The following MGMT variants were observed in gnomAD, a reference collection of about 807,000 sequenced individuals.
MGMT encodes O-6-methylguanine-DNA methyltransferase, also known as methylated-DNA--protein-cysteine methyltransferase.
In MGMT, 14 loss-of-function variants were observed where a neutral mutation model predicts 15.9. That is an observed-to-expected ratio of 0.88 (90% confidence interval 0.58 to 1.37). MGMT has a LOEUF of 1.37. MGMT is among the 40% of genes most tolerant of loss of function. The pLI is 0.00. For missense variants in MGMT, 282 were observed against 268.1 expected, an observed-to-expected ratio of 1.05 and a Z score of -0.36; for synonymous variants, 130 against 118.2, an observed-to-expected ratio of 1.10 and a Z score of -0.65.
chr10:129,626,641 C>T (rs1181851651), intron 2 of MGMT, among the ~76,000 whole-genome samples: 1 of 152,168 alleles, frequency 6.6e-6, no homozygotes, highest in Non-Finnish European at 1.5e-5. Context: ...CAGGGCCGTG[C>T]TCTCCGTGGA....
At chr10:129,634,517 CTTCCTTCCTTTT>C in intron 2 of MGMT, among the ~76,000 whole-genome samples, 1 of 151,938 alleles carries the variant, frequency 6.6e-6, no homozygotes, top group East Asian at 1.9e-4. Context: ...TCCTTCCTTT[CTTCCTTCCTTTT>C]GATTTCCTTT....
chr10:129,501,486 TC>T (rs1211488346), intron 1 of MGMT, among the ~76,000 whole-genome samples: 3 of 152,200 alleles, frequency 2.0e-5, no homozygotes, highest in Admixed American at 6.5e-5. Context: ...TGTTTCAGAG[TC>T]ACAGAGATTT....
intron 2 of MGMT, among the ~76,000 whole-genome samples, chr10:129,646,754 A>ATATATATATTTTTTTTTTTTTTTTTTTTT: frequency 5.8e-5 from 5 of 86,670 alleles, no homozygotes; most frequent in Admixed American, 1.2e-4. Context: ...ATATATATAT[A>ATATATATATTTTTTTTTTTTTTTTTTTTT]TTTTCAGGGA....
At chr10:129,560,989 G>GTGCA (rs1554911324) in intron 2 of MGMT, among the ~76,000 whole-genome samples, 3,613 of 149,882 alleles carry the variant, frequency 0.024, 149 homozygotes, top group African/African-American at 0.082. Context: ...GTGTGTGTGT[G>GTGCA]TGTGTGTGTT....
chr10:129,698,192 A>G (rs1036725174), intron 2 of MGMT, among the ~76,000 whole-genome samples: 1 of 152,152 alleles, frequency 6.6e-6, no homozygotes, highest in African/African-American at 2.4e-5. Flanking sequence ...CCCAGCAGAG[A>G]GAGACCAGAA....
chr10:129,770,928 TTTTC>T lies in MGMT; in HGVS notation c.*3944_*3947del, dbSNP rs528494674. 4.7e-5 allele frequency among the ~76,000 whole-genome samples: 7 copies of T among 150,416 alleles called. No individual in the cohort carries two copies. The highest frequency in any genetic ancestry group is 1.8e-4 in the African/African-American group (7 of 39,766). On this transcript the variant is annotated 3_prime_UTR_variant, in exon 5 of 5. Transcript: ENST00000651593. ...CAGACCTCAGACCGTGTGGGTTTTT[TTTTC>T]TTTCTTTCTTTCCTGTTCATGGGCA...
intron 3 of MGMT, among the ~76,000 whole-genome samples, chr10:129,708,363 A>G (rs1469227211): frequency 6.6e-6 from 1 of 152,186 alleles, no homozygotes; most frequent in Non-Finnish European, 1.5e-5. Flanking sequence ...CAATAAGCTT[A>G]TTGTGAACTT....
At chr10:129,703,119 T>C (rs1172880542) in intron 2 of MGMT, among the ~76,000 whole-genome samples, 2 of 152,256 alleles carry the variant, frequency 1.3e-5, no homozygotes, top group African/African-American at 4.8e-5. Flanking sequence ...GAATCAAAGC[T>C]GTTTAATTAC....
chr10:129,669,898 A>G (rs1417863534), intron 2 of MGMT, among the ~76,000 whole-genome samples: 3 of 152,240 alleles, frequency 2.0e-5, no homozygotes, highest in African/African-American at 4.8e-5. Context: ...TAAAAAATAT[A>G]AAGTCCGATT....
In MGMT at chr10:129,745,788, C is replaced by A. The variant is rs1356543466; in HGVS notation, c.275-13414C>A. Among the ~76,000 whole-genome samples, 5 of 151,754 alleles carry A rather than the reference C, an allele frequency of 3.3e-5. 1 individual carries two copies. Among genetic ancestry groups the A allele is most frequent in the African/African-American group, 1.2e-4 (5 of 41,284 alleles). On this transcript the variant is annotated intron_variant, in intron 3 of 4. Transcript: ENST00000651593. The stretch of plus-strand genomic sequence containing the variant: ...GGAAGTGTCAATTCAAGTCTTTTGC[C>A]TTTTTTTTAAGTTAGGTGGTTTGTT...
At position 129,524,582 on chromosome 10, in the gene MGMT, CTTTTTTTTT is replaced by C. The variant is rs66701664; in HGVS notation, c.-12-11640_-12-11632del. On this transcript the variant is annotated intron_variant, in intron 1 of 4. Coordinates refer to ENST00000651593, the MANE Select transcript of MGMT (RefSeq NM_002412.5). ...AGTTACTAAGAAGCTTCCAAAAAGA[CTTTTTTTTT>C]TTTTTTTTTTTTTTTTTTGAGACAG... Among the ~76,000 whole-genome samples the C allele has an allele frequency of 5.0e-3, 339 of 68,076 alleles. 2 individuals are homozygous for C. Among genetic ancestry groups the C allele is most frequent in the African/African-American group, 0.015 (296 of 20,232 alleles). The allele number at this position is 68,076 out of a possible 152,430, so 44.7% of individuals were successfully genotyped here.
At chr10:129,730,483 C>T (rs776572335) in intron 3 of MGMT, among the ~76,000 whole-genome samples, 3 of 152,182 alleles carry the variant, frequency 2.0e-5, no homozygotes, top group Non-Finnish European at 2.9e-5. Context: ...ATCAGAGCAT[C>T]CTGTGTCTGC....
chr10:129,561,030 G>A (rs1025382583), intron 2 of MGMT, among the ~76,000 whole-genome samples: 1 of 150,116 alleles, frequency 6.7e-6, no homozygotes, highest in African/African-American at 2.5e-5. Context: ...TATATCTGAA[G>A]GGAAGGGTGG....
In MGMT at chr10:129,638,429, C is replaced by CAAAAAAAAAAAAAAAAA; in HGVS notation, c.126-69450_126-69449insAAAAAAAAAAAAAAAAA. On this transcript the variant is annotated intron_variant, in intron 2 of 4. Coordinates refer to ENST00000651593, the MANE Select transcript of MGMT (RefSeq NM_002412.5). ...GAAGTCCAAGAGAGGACCAAAGAGGCAAAAAAAAAAAAAAAAGAAAAAAAA... is the reference window on the plus strand; with the variant it reads ...GAAGTCCAAGAGAGGACCAAAGAGGCAAAAAAAAAAAAAAAAAAAAAAAAAAAAAAAAAGAAAAAAAA... 4.2e-3 allele frequency among the ~76,000 whole-genome samples: 260 copies of CAAAAAAAAAAAAAAAAA among 61,682 alleles called. 21 individuals are homozygous for CAAAAAAAAAAAAAAAAA. Among genetic ancestry groups the CAAAAAAAAAAAAAAAAA allele is most frequent in the Non-Finnish European group, 5.1e-3 (156 of 30,678 alleles). 40.5% of individuals were successfully genotyped at this position (61,682 alleles called of 152,430 possible).
chr10:129,665,957 T>C (rs1425528557), intron 2 of MGMT, among the ~76,000 whole-genome samples: 1 of 152,184 alleles, frequency 6.6e-6, no homozygotes, highest in African/African-American at 2.4e-5. Flanking sequence ...GATGTAGAAT[T>C]TCCTCAGTTT....
chr10:129,508,684 T>G (rs1332576767), intron 1 of MGMT, among the ~76,000 whole-genome samples: 1 of 152,098 alleles, frequency 6.6e-6, no homozygotes, highest in Admixed American at 6.5e-5. Context: ...TGGCTGGGAT[T>G]ATAGGCGCCT....
At chr10:129,514,930 T>C (rs1845722159) in intron 1 of MGMT, among the ~76,000 whole-genome samples, 1 of 152,230 alleles carries the variant, frequency 6.6e-6, no homozygotes, top group Non-Finnish European at 1.5e-5. Flanking sequence ...CTTGCCCCTC[T>C]TGCTGTCAGC....
At chr10:129,671,719 G>C (rs1371343268) in intron 2 of MGMT, among the ~76,000 whole-genome samples, 1 of 152,208 alleles carries the variant, frequency 6.6e-6, no homozygotes, top group Admixed American at 6.5e-5. Flanking sequence ...CCCTCTTCCA[G>C]TGGTTAAAAG....
intron 2 of MGMT, among the ~76,000 whole-genome samples, chr10:129,635,401 C>G (rs920887469): frequency 6.6e-6 from 1 of 152,226 alleles, no homozygotes; most frequent in Non-Finnish European, 1.5e-5. Flanking sequence ...TGTGCCCCTC[C>G]GGGTGCCCGG....
Sources: gnomAD v4.1 joint callset for allele counts (sites outside exome capture counted in the v4.1 genomes callset) on GRCh38, gnomAD v4.1.1 for gene constraint, MANE v1.5 for transcripts, NCBI Gene and HGNC (gene_info 2026-07-23, HGNC 2026-07-21) for gene names.